NLGN4X: variants seen among roughly 807,000 people sequenced by gnomAD.
NLGN4X encodes neuroligin 4 X-linked.
Under a neutral mutation model 40.3 loss-of-function variants are expected in NLGN4X, and 3 were observed. That is an observed-to-expected ratio of 0.07 (90% confidence interval 0.03 to 0.19). NLGN4X has a LOEUF of 0.19. NLGN4X is among the 10% of genes least tolerant of loss of function. The probability of loss-of-function intolerance (pLI) is 1.00; values close to 1 mark genes in which losing one functional copy is unlikely to be tolerated. For missense variants in NLGN4X, 382 were observed against 708.3 expected (o/e 0.54, Z 5.23); for synonymous variants, 270 against 306.8 (o/e 0.88, Z 1.25).
intron 1 of NLGN4X, chrX:6,226,982 C>G (rs989033436): frequency 8.7e-6 from 1 of 115,488 alleles, no homozygotes; most frequent in Non-Finnish European, 1.8e-5. Context: ...CTGAAGTTCA[C>G]TCTCTCTCTG....
chrX:5,933,584 GT>G (rs1386923414), intron 3 of NLGN4X, among the ~76,000 whole-genome samples: 1 of 111,588 alleles, frequency 9.0e-6, no homozygotes, highest in Non-Finnish European at 1.9e-5. Context: ...ATCAGTTATG[GT>G]TAACCATAGT....
chrX:5,979,816 A>ATATATACACACATACATATATATGTGTG, intron 3 of NLGN4X, among the ~76,000 whole-genome samples: 1 of 105,903 alleles, frequency 9.4e-6, no homozygotes, highest in Non-Finnish European at 1.9e-5. Context: ...ATATATGTGT[A>ATATATACACACATACATATATATGTGTG]TATATACACA....
At chrX:6,223,347 G>A (rs1925874408) in intron 1 of NLGN4X, among the ~76,000 whole-genome samples, 1 of 111,082 alleles carries the variant, frequency 9.0e-6, no homozygotes, top group South Asian at 3.8e-4. Context: ...TCAGCCCGAG[G>A]TAGATGGGCT....
intron 2 of NLGN4X, among the ~76,000 whole-genome samples, chrX:6,111,872 T>C (rs1207278961): frequency 1.8e-5 from 2 of 112,027 alleles, no homozygotes; most frequent in Non-Finnish European, 3.8e-5. Flanking sequence ...AACATACATT[T>C]ATAGCTCTTA....
intron 3 of NLGN4X, among the ~76,000 whole-genome samples, chrX:5,936,920 T>C (rs1239097235): frequency 9.0e-6 from 1 of 111,697 alleles, no homozygotes. Flanking sequence ...GAATATTTCA[T>C]GTTAGGATAG....
intron 4 of NLGN4X, among the ~76,000 whole-genome samples, chrX:5,907,406 A>G (rs1341632839): frequency 9.0e-6 from 1 of 111,487 alleles, no homozygotes; most frequent in East Asian, 2.8e-4. Flanking sequence ...CTGGGAATCC[A>G]CTGAGTGAGC....
intron 1 of NLGN4X, among the ~76,000 whole-genome samples, chrX:6,211,502 A>C (rs1157049777): frequency 8.9e-6 from 1 of 112,141 alleles, no homozygotes; most frequent in African/African-American, 3.2e-5. Flanking sequence ...ACTGTAGGAA[A>C]TGTAAAGTTC....
Position 6,135,146 on chromosome X carries a change from G to T in NLGN4X, c.472+15849C>A, listed in dbSNP as rs145417571. Among the ~76,000 whole-genome samples, 591 of 111,875 alleles carry T rather than the reference G, an allele frequency of 5.3e-3. 1 individual carries two copies. Among genetic ancestry groups the T allele is most frequent in the African/African-American group, 0.016 (501 of 30,822 alleles). On this transcript the variant is annotated intron_variant, in intron 2 of 5. Coordinates refer to ENST00000381095, the MANE Select transcript of NLGN4X (RefSeq NM_181332.3). ...GTTTCCCATCTGGCATTAAATCTCAGACTATCTCTGATTTGCCACCAGCTG... is the reference window on the plus strand; with the variant it reads ...GTTTCCCATCTGGCATTAAATCTCATACTATCTCTGATTTGCCACCAGCTG...
chrX:5,907,977 CAG>C (rs1398110254), intron 4 of NLGN4X, among the ~76,000 whole-genome samples: 6 of 84,030 alleles, frequency 7.1e-5, no homozygotes, highest in African/African-American at 2.9e-4. Flanking sequence ...AGTGGGGAGA[CAG>C]AGAAAAGGAG....
intron 1 of NLGN4X, among the ~76,000 whole-genome samples, chrX:6,201,656 G>A: frequency 9.0e-6 from 1 of 111,557 alleles, no homozygotes; most frequent in Non-Finnish European, 1.9e-5. Context: ...TTACACTGGG[G>A]ATGGGAAAGA....
At chrX:5,999,675 T>C (rs889516472) in intron 3 of NLGN4X, among the ~76,000 whole-genome samples, 3 of 112,426 alleles carry the variant, frequency 2.7e-5, no homozygotes, top group African/African-American at 9.7e-5. Context: ...TTCTTTTGCA[T>C]GTCATCTGGT....
chrX:5,996,029 C>T (rs1347772598), intron 3 of NLGN4X, among the ~76,000 whole-genome samples: 4 of 98,229 alleles, frequency 4.1e-5, no homozygotes, highest in African/African-American at 1.3e-4. Context: ...CATTTCTGTA[C>T]AAGATGACAC....
intron 3 of NLGN4X, among the ~76,000 whole-genome samples, chrX:5,979,245 T>C (rs2035301666): frequency 9.0e-6 from 1 of 111,419 alleles, no homozygotes; most frequent in African/African-American, 3.3e-5. Flanking sequence ...ATGCAGGTTG[T>C]AGCATGCACC....
chrX:6,098,816 A>G (rs2038841450), intron 2 of NLGN4X, among the ~76,000 whole-genome samples: 1 of 111,944 alleles, frequency 8.9e-6, no homozygotes, highest in Admixed American at 9.5e-5. Flanking sequence ...CCCGTTCTCA[A>G]TATCAATATG....
rs149746766 is a variant in NLGN4X at position 6,149,599 on chromosome X, G to A, written c.472+1396C>T. On this transcript the variant is annotated intron_variant, in intron 2 of 5. Transcript: ENST00000381095. ...TCAGAACACCCCATGGAAGTACAGCGTCCAAATGTCAGTTTAACTCCTTGA... is the reference window on the plus strand; with the variant it reads ...TCAGAACACCCCATGGAAGTACAGCATCCAAATGTCAGTTTAACTCCTTGA... 6.2e-3 allele frequency among the ~76,000 whole-genome samples: 693 copies of A among 111,508 alleles called. 3 individuals are homozygous for A. The highest frequency in any genetic ancestry group is 9.6e-3 in the Non-Finnish European group (513 of 53,164).
At chrX:5,949,701 G>A (rs1335060536) in intron 3 of NLGN4X, among the ~76,000 whole-genome samples, 3 of 111,995 alleles carry the variant, frequency 2.7e-5, no homozygotes, top group Non-Finnish European at 3.8e-5. Flanking sequence ...TGACAACCAC[G>A]TGAGCCCTCA....
chrX:6,166,060 AT>A (rs1214768619), intron 1 of NLGN4X, among the ~76,000 whole-genome samples: 9 of 111,753 alleles, frequency 8.1e-5, no homozygotes, highest in Non-Finnish European at 3.8e-5. Context: ...ATGCACTGAA[AT>A]TTAGTATTTG....
chrX:5,986,004 G>A (rs1408755475), intron 3 of NLGN4X, among the ~76,000 whole-genome samples: 1 of 111,603 alleles, frequency 9.0e-6, no homozygotes, highest in African/African-American at 3.3e-5. Context: ...ACTAAATTTT[G>A]GAAAAATATA....
At chrX:6,081,700 G>T (rs1223854932) in intron 2 of NLGN4X, among the ~76,000 whole-genome samples, 1 of 112,308 alleles carries the variant, frequency 8.9e-6, no homozygotes, top group Non-Finnish European at 1.9e-5. Flanking sequence ...CTAGCCTGCA[G>T]GGCATGACAC....
Sources: allele counts gnomAD v4.1 joint callset (sites outside exome capture counted in the v4.1 genomes callset), GRCh38; gene constraint gnomAD v4.1.1; transcripts MANE v1.5; gene names NCBI Gene and HGNC (gene_info 2026-07-23, HGNC 2026-07-21).